Variants in CLVS1 observed in about 807,000 individuals in gnomAD.
The protein encoded by CLVS1 is clavesin-1.
Under a neutral mutation model 33.1 loss-of-function variants are expected in CLVS1, and 10 were observed. That is an observed-to-expected ratio of 0.30 (90% confidence interval 0.19 to 0.51). The LOEUF is 0.51. Ranked by LOEUF, CLVS1 falls within the 20% of genes least tolerant of loss-of-function variation. The pLI is 0.97. For synonymous variants in CLVS1, 163 were observed against 166.1 expected (o/e 0.98, Z 0.14); for missense variants, 343 against 433.4 (o/e 0.79, Z 1.85).
At chr8:61,258,033 A>G (rs1426001115) in intron 2 of CLVS1, among the ~76,000 whole-genome samples, 3 of 152,170 alleles carry the variant, frequency 2.0e-5, no homozygotes, top group Non-Finnish European at 4.4e-5. Flanking sequence ...AGGAAGAAAG[A>G]AATGCATGAA....
At chr8:61,175,988 C>A (rs1167320944) in intron 2 of CLVS1, among the ~76,000 whole-genome samples, 1 of 152,176 alleles carries the variant, frequency 6.6e-6, no homozygotes, top group Non-Finnish European at 1.5e-5. Flanking sequence ...TCCTGACTTG[C>A]CAACTTTCTC....
intron 3 of CLVS1, among the ~76,000 whole-genome samples, chr8:61,394,175 T>C (rs1027314874): frequency 3.3e-5 from 5 of 152,218 alleles, no homozygotes; most frequent in African/African-American, 1.2e-4. Flanking sequence ...GGTGAAACAC[T>C]ATCTCCTCTA....
chr8:60,969,079 G>A, the CLVS1 span, among the ~76,000 whole-genome samples: 38 of 152,250 alleles, frequency 2.5e-4, no homozygotes, highest in African/African-American at 8.4e-4. Flanking sequence ...AGCTCTATAC[G>A]TCAAAAGGTG....
chr8:61,039,492 C>T, the CLVS1 span, among the ~76,000 whole-genome samples: 1,282 of 152,108 alleles, frequency 8.4e-3, 16 homozygotes, highest in African/African-American at 0.027. Flanking sequence ...GGGTTTCCAC[C>T]GGTTAATTGT....
chr8:61,295,306 C>A (rs1810154845), intron 1 of CLVS1, among the ~76,000 whole-genome samples: 1 of 152,200 alleles, frequency 6.6e-6, no homozygotes. Context: ...TTCTGCTAGG[C>A]ATGGCAATCA....
At chr8:61,010,205 A>G in the CLVS1 span, among the ~76,000 whole-genome samples, 2 of 152,130 alleles carry the variant, frequency 1.3e-5, no homozygotes, top group Non-Finnish European at 2.9e-5. Flanking sequence ...CTCCCTTGGT[A>G]GGTTGGCCTT....
At chr8:61,225,915 G>A (rs1383555422) in intron 2 of CLVS1, among the ~76,000 whole-genome samples, 6 of 152,294 alleles carry the variant, frequency 3.9e-5, no homozygotes, top group South Asian at 4.1e-4. Flanking sequence ...TTCCTCCTGG[G>A]TAGCAACTGC....
rs141740785 is a variant in CLVS1, at chr8:61,447,792, A to G, written c.631-6349A>G. On this transcript the variant is annotated intron_variant, in intron 3 of 5. Transcript: ENST00000325897. ...TAGAAAACTCAAGAGGAAAAGAAAA[A>G]CCCATAGTACTTACCTATAGTTTTC... Among the ~76,000 whole-genome samples the G allele has an allele frequency of 3.9e-3, 596 of 152,170 alleles. 2 individuals carry two copies. The highest frequency in any genetic ancestry group is 0.013 in the African/African-American group (539 of 41,546).
At chr8:61,469,477 C>T (rs1817664530) in intron 5 of CLVS1, among the ~76,000 whole-genome samples, 1 of 152,156 alleles carries the variant, frequency 6.6e-6, no homozygotes. Context: ...ATTTCTGAGC[C>T]AGAAGGAAAT....
intron 2 of CLVS1, among the ~76,000 whole-genome samples, chr8:61,136,455 C>T (rs575586173): frequency 5.9e-5 from 9 of 152,056 alleles, no homozygotes; most frequent in South Asian, 2.1e-4. Context: ...AATGATAGAC[C>T]GGATAAAGAA....
At chr8:61,174,800 G>A (rs1164433422) in intron 2 of CLVS1, among the ~76,000 whole-genome samples, 2 of 96,756 alleles carry the variant, frequency 2.1e-5, no homozygotes, top group Non-Finnish European at 4.5e-5. Flanking sequence ...TAGGAAGAGA[G>A]TAAATGCAAA....
chr8:61,035,320 C>G, the CLVS1 span, among the ~76,000 whole-genome samples: 1 of 151,600 alleles, frequency 6.6e-6, no homozygotes, highest in African/African-American at 2.4e-5. Context: ...GCTCAAAAAT[C>G]ATTTTCCAGT....
the CLVS1 span, among the ~76,000 whole-genome samples, chr8:61,046,264 G>C: frequency 6.8e-6 from 1 of 147,896 alleles, no homozygotes; most frequent in African/African-American, 2.6e-5. Context: ...CCCATTGCTT[G>C]TTTTTCTCAG....
intron 5 of CLVS1, among the ~76,000 whole-genome samples, chr8:61,462,467 C>T (rs1817402779): frequency 3.9e-5 from 6 of 152,150 alleles, no homozygotes; most frequent in Admixed American, 3.9e-4. Context: ...TCACTGCAAC[C>T]TCTGCCTCCC....
intron 2 of CLVS1, among the ~76,000 whole-genome samples, chr8:61,348,721 C>T (rs1448809499): frequency 6.6e-6 from 1 of 152,000 alleles, no homozygotes; most frequent in Non-Finnish European, 1.5e-5. Context: ...GATTTCATGT[C>T]CTTTGACTAT....
intron 2 of CLVS1, among the ~76,000 whole-genome samples, chr8:61,173,502 T>C (rs1807050293): frequency 2.6e-5 from 4 of 152,220 alleles, no homozygotes. Flanking sequence ...ACTTTCCTCT[T>C]AGCACCGCTT....
the CLVS1 span, among the ~76,000 whole-genome samples, chr8:60,985,706 G>A: frequency 9.2e-5 from 14 of 151,518 alleles, no homozygotes; most frequent in African/African-American, 2.9e-4. Flanking sequence ...AGGTTGCAAA[G>A]TATAATAGTA....
At chr8:61,169,015 A>G (rs1806940053) in intron 2 of CLVS1, among the ~76,000 whole-genome samples, 1 of 152,230 alleles carries the variant, frequency 6.6e-6, no homozygotes, top group Admixed American at 6.5e-5. Flanking sequence ...CCTAGCCTTG[A>G]CGAAAGTCCT....
chr8:61,088,864 A>T (rs1000535940), intron 1 of CLVS1, among the ~76,000 whole-genome samples: 2 of 147,894 alleles, frequency 1.4e-5, no homozygotes, highest in African/African-American at 5.0e-5. Flanking sequence ...TGCAGTGGAG[A>T]GATCTCGGCT....
Sources: gnomAD v4.1 joint callset for allele counts (sites outside exome capture counted in the v4.1 genomes callset) on GRCh38, gnomAD v4.1.1 for gene constraint, MANE v1.5 for transcripts, NCBI Gene and HGNC (gene_info 2026-07-23, HGNC 2026-07-21) for gene names.